Variants in ARHGAP9 observed in about 807,000 individuals in gnomAD.
ARHGAP9 encodes rho GTPase-activating protein 9.
ARHGAP9 carries 76 observed loss-of-function variants against 87.3 expected under a neutral mutation model. The observed-to-expected ratio is 0.87, with a 90% CI of 0.72 to 1.05. The LOEUF (loss-of-function observed/expected upper bound fraction) is 1.05. Ranked by LOEUF, ARHGAP9 falls within the 50% of genes least tolerant of loss-of-function variation. ARHGAP9 has a pLI of 0.00. For missense variants in ARHGAP9, 941 were observed against 960.5 expected, an observed-to-expected ratio of 0.98 and a Z score of 0.27; for synonymous variants, 382 against 394.9, an observed-to-expected ratio of 0.97 and a Z score of 0.39.
At chr12:57,475,189 G>T in intron 12 of ARHGAP9, 102 bp downstream of exon 12, 1 of 1,290,264 alleles carries the variant, frequency 7.8e-7, no homozygotes, top group Non-Finnish European at 1.1e-6. Context: ...CTGGGGTAGT[G>T]GGAAAGCAGC....
In ARHGAP9 at chr12:57,472,320, C is replaced by T. The variant is rs537218046; in HGVS notation, c.*197G>A. The T allele has an allele frequency of 6.0e-6, 4 of 663,044 alleles. No individual in the cohort carries two copies. The Admixed American group carries it at 9.5e-5, about 16-fold the overall frequency. The allele number at this position is 663,044 out of a possible 1,614,324, so 41.1% of individuals were successfully genotyped here. A position where few individuals can be genotyped will look rare whatever the true frequency, so the allele number is the denominator to read the frequency against. ...GTTGGGGAGGAATGATAACAGGGAA[C>T]AAGAAGAGAAGCAGGGGTTAATCCA... On this transcript the variant is annotated 3_prime_UTR_variant, in exon 18 of 18. Transcript: ENST00000393791.
chr12:57,481,847 C>T (rs937646388), upstream of ARHGAP9, among the ~76,000 whole-genome samples: 3 of 152,146 alleles, frequency 2.0e-5, no homozygotes, highest in Non-Finnish European at 4.4e-5. Context: ...TTCCTTAAAC[C>T]ACAGAAGCCT....
intron 6 of ARHGAP9, 85 bp downstream of exon 6, chr12:57,476,786 A>G: frequency 1.6e-6 from 2 of 1,247,758 alleles, no homozygotes; most frequent in Non-Finnish European, 2.3e-6. Flanking sequence ...ATATTCAGAA[A>G]GAGGAAGATG....
At chr12:57,481,734 C>A (rs566130716), upstream of ARHGAP9, among the ~76,000 whole-genome samples, 51 of 152,284 alleles carry the variant, frequency 3.3e-4, 1 homozygote, top group Non-Finnish European at 6.2e-4. Context: ...CAGTAGCAGG[C>A]AACACAATTG....
chr12:57,483,506 T>C (rs73344079), upstream of ARHGAP9, among the ~76,000 whole-genome samples: 992 of 152,322 alleles, frequency 6.5e-3, 9 homozygotes, highest in African/African-American at 0.023. Context: ...TGACTTAGAC[T>C]TTCCACATTT....
chr12:57,481,321 G>A (rs889811834), upstream of ARHGAP9, among the ~76,000 whole-genome samples: 2 of 151,766 alleles, frequency 1.3e-5, no homozygotes, highest in African/African-American at 4.8e-5. Context: ...CACAATCTCT[G>A]CTCACTGCAA....
chr12:57,486,889 GAAA>G (rs71084758), intron 1 of ARHGAP9, among the ~76,000 whole-genome samples: 2 of 139,106 alleles, frequency 1.4e-5, no homozygotes, highest in Admixed American at 7.1e-5. Context: ...CCGTCTCAAA[GAAA>G]AAAAAAAAAA....
At chr12:57,480,763 C>A, upstream of ARHGAP9, 1 of 1,549,722 alleles carries the variant, frequency 6.5e-7, no homozygotes, top group Non-Finnish European at 8.7e-7. Flanking sequence ...ACCCACACTT[C>A]TGCTTCTGCC....
chr12:57,479,742 A>T lies in ARHGAP9; in HGVS notation c.-31T>A. 6.4e-7 allele frequency: 1 copy of T among 1,550,780 alleles called. No homozygotes were observed. The highest frequency in any genetic ancestry group is 8.7e-7 in the Non-Finnish European group (1 of 1,147,002). ...TTCCTCCAAGTACCTTGTGGGGCCCATCAGAAGATTCAGGAGCAGGAGTTG... is the reference window on the plus strand; with the variant it reads ...TTCCTCCAAGTACCTTGTGGGGCCCTTCAGAAGATTCAGGAGCAGGAGTTG... On this transcript the variant is annotated 5_prime_UTR_variant, in exon 1 of 18. The change abolishes an upstream ATG in the 5' untranslated region. Coordinates refer to ENST00000393791, the MANE Select transcript of ARHGAP9 (RefSeq NM_032496.4).
At chr12:57,484,765 C>T (rs1316853239), upstream of ARHGAP9, among the ~76,000 whole-genome samples, 6 of 150,822 alleles carry the variant, frequency 4.0e-5, no homozygotes, top group South Asian at 1.3e-3. Flanking sequence ...CTGCCTCAGC[C>T]TCCCAAGTAG....
intron 3 of ARHGAP9, 52 bp from the exon 4 acceptor site, chr12:57,477,732 C>T (rs1424602433): frequency 6.3e-7 from 1 of 1,596,848 alleles, no homozygotes; most frequent in South Asian, 1.1e-5. Context: ...TTGCCCTTCC[C>T]ATGCTTCTCT....
At chr12:57,474,340 G>C in intron 15 of ARHGAP9, 83 bp downstream of exon 15, 2 of 1,583,620 alleles carry the variant, frequency 1.3e-6, no homozygotes, top group Non-Finnish European at 1.7e-6. Context: ...AACCCTCCCA[G>C]GAATAGTACA....
chr12:57,475,987 G>C, intron 9 of ARHGAP9, 56 bp from the exon 10 acceptor site: 1 of 1,548,834 alleles, frequency 6.5e-7, no homozygotes, highest in Non-Finnish European at 8.7e-7. Context: ...AATAAGCAGG[G>C]AGACCTAGCG....
At chr12:57,474,399 C>G in intron 15 of ARHGAP9, 24 bp downstream of exon 15, 3 of 1,613,884 alleles carry the variant, frequency 1.9e-6, no homozygotes, top group Non-Finnish European at 2.5e-6. Context: ...TTTTAGGGAT[C>G]TGAAGGGTCT....
chr12:57,475,861 C>T lies in ARHGAP9; in HGVS notation c.1283G>A (p.Arg428His), dbSNP rs775897014. Residue 428 changes from arginine (R) to histidine (H), a missense_variant, in exon 10 of 18, where the codon CGC becomes CAC. Physicochemically the swap from Arg to His is conservative, Grantham distance 29 (BLOSUM62 0). Transcript: ENST00000393791. ...CCGCTCGATGACAGTCCGCAGCGCG[C>T]GGTGCCAGGCTCGCAGCTCTGTCTC... ...DHETELRAWH[R>H]ALRTVIERLD... 2 of 1,613,948 alleles carry T rather than the reference C, an allele frequency of 1.2e-6. No homozygotes were observed. Among genetic ancestry groups the T allele is most frequent in the South Asian group, 1.1e-5 (1 of 91,072 alleles).
rs774288304 is a variant in ARHGAP9, at chr12:57,475,325, G to A, written c.1518C>T (p.Pro506=). The change falls in exon 12 of 18, where the codon CCC becomes CCT. Residue 506 remains proline (P), a synonymous_variant. Coordinates refer to ENST00000393791, the MANE Select transcript of ARHGAP9 (RefSeq NM_032496.4). ...GACCCCGCTCCTGCAGGCTTTGTAAGGGCGGTCTCTTCGCGATGAGCCGCT... is the reference window on the plus strand; with the variant it reads ...GACCCCGCTCCTGCAGGCTTTGTAAAGGCGGTCTCTTCGCGATGAGCCGCT... The part of the protein sequence containing the change: ...KLKRLIAKRP[P]LQSLQERGLL... 1.2e-5 allele frequency: 20 copies of A among 1,602,222 alleles called. No homozygotes were observed. Among genetic ancestry groups the A allele is most frequent in the Middle Eastern group, 1.7e-4 (1 of 6,018 alleles).
chr12:57,477,833 G>C, intron 3 of ARHGAP9, 153 bp from the exon 4 acceptor site: 1 of 1,467,086 alleles, frequency 6.8e-7, no homozygotes, highest in South Asian at 1.3e-5. Context: ...AGAAACCTCA[G>C]GCCCCAGCTG....
intron 1 of ARHGAP9, chr12:57,487,892 T>C: frequency 6.5e-6 from 3 of 463,040 alleles, no homozygotes; most frequent in South Asian, 2.3e-5. Context: ...CTAGCCCGCA[T>C]CTGCGGCCTC....
rs1293663170 is a variant in ARHGAP9, at chr12:57,475,349, C to A, written c.1494G>T (p.Lys498Asn). 4 of 1,604,080 alleles carry A rather than the reference C, an allele frequency of 2.5e-6. No homozygotes were observed. The highest frequency in any genetic ancestry group is 3.4e-6 in the Non-Finnish European group (4 of 1,175,170). Residue 498 changes from lysine to asparagine, a missense_variant, in exon 12 of 18, where the codon AAG becomes AAT. Lys to Asn is a moderately conservative substitution (Grantham distance 94, BLOSUM62 0). Transcript: ENST00000393791. ...AGGGCGGTCTCTTCGCGATGAGCCGCTTTAGTTTGTTGCGCACGCGGTTCT... is the reference window on the plus strand; with the variant it reads ...AGGGCGGTCTCTTCGCGATGAGCCGATTTAGTTTGTTGCGCACGCGGTTCT... ...TEQNRVRNKL[K>N]RLIAKRPPLQ... is the part of the protein sequence containing the mutation.
Sources: allele counts gnomAD v4.1 joint callset (sites outside exome capture counted in the v4.1 genomes callset), GRCh38; gene constraint gnomAD v4.1.1; transcripts MANE v1.5; gene names NCBI Gene and HGNC (gene_info 2026-07-23, HGNC 2026-07-21).